The following GRB14 variants were observed in gnomAD, a reference collection of about 807,000 sequenced individuals.
GRB14 encodes growth factor receptor-bound protein 14.
A neutral mutation model predicts 69.1 loss-of-function variants in GRB14; 38 were observed. The observed-to-expected ratio is 0.55, with a 90% CI of 0.42 to 0.72. The LOEUF (loss-of-function observed/expected upper bound fraction) is 0.72, where lower values mean the gene tolerates loss of function less well. Ranked by LOEUF, GRB14 falls within the 30% of genes least tolerant of loss-of-function variation. The probability of loss-of-function intolerance (pLI) is 0.00; values close to 1 mark genes in which losing one functional copy is unlikely to be tolerated. For missense variants in GRB14, 666 were observed against 666.1 expected (o/e 1.00, Z 0.00); for synonymous variants, 247 against 241.3 (o/e 1.02, Z -0.22).
chr2:164,505,909 T>C (rs1687176891), intron 8 of GRB14, among the ~76,000 whole-genome samples: 1 of 152,186 alleles, frequency 6.6e-6, no homozygotes, highest in East Asian at 1.9e-4. Context: ...CAATGGCTTC[T>C]TAGATTAAGT....
intron 6 of GRB14, among the ~76,000 whole-genome samples, chr2:164,510,698 A>C (rs771853512): frequency 2.0e-4 from 31 of 152,186 alleles, no homozygotes; most frequent in African/African-American, 5.5e-4. Flanking sequence ...AAATCAGATG[A>C]GCACTCACAG....
At chr2:164,554,935 C>T (rs761848176) in intron 2 of GRB14, among the ~76,000 whole-genome samples, 7 of 150,108 alleles carry the variant, frequency 4.7e-5, no homozygotes, top group African/African-American at 1.7e-4. Context: ...GAAAAAAAAA[C>T]TTGAGGCCTT....
chr2:164,593,815 G>GGGAC (rs1689722803), intron 2 of GRB14, among the ~76,000 whole-genome samples: 1 of 152,156 alleles, frequency 6.6e-6, no homozygotes, highest in East Asian at 1.9e-4. Flanking sequence ...TCCCTGCACA[G>GGGAC]TTGGCCACTT....
intron 3 of GRB14, among the ~76,000 whole-genome samples, chr2:164,527,591 G>A (rs923759917): frequency 6.6e-6 from 1 of 151,878 alleles, no homozygotes. Flanking sequence ...ACAGGTTCAT[G>A]TGCATTTAAG....
chr2:164,582,309 T>C (rs1689427011), intron 2 of GRB14, among the ~76,000 whole-genome samples: 1 of 152,202 alleles, frequency 6.6e-6, no homozygotes, highest in African/African-American at 2.4e-5. Context: ...CATTTCCCTC[T>C]ATTCACATCC....
intron 3 of GRB14, among the ~76,000 whole-genome samples, chr2:164,542,007 A>G (rs745326073): frequency 4.6e-5 from 7 of 152,344 alleles, no homozygotes; most frequent in Middle Eastern, 6.8e-3. Flanking sequence ...TGGAGGGGTC[A>G]CATTACCCCA....
chr2:164,588,142 C>A (rs150488956), intron 2 of GRB14, among the ~76,000 whole-genome samples: 136 of 152,236 alleles, frequency 8.9e-4, no homozygotes, highest in Middle Eastern at 3.4e-3. Flanking sequence ...CTATAGGAAA[C>A]AGGATTTAAA....
chr2:164,572,331 T>C (rs538533924), intron 2 of GRB14, among the ~76,000 whole-genome samples: 53 of 152,320 alleles, frequency 3.5e-4, no homozygotes, highest in South Asian at 1.9e-3. Flanking sequence ...GCATGTTCTG[T>C]ATTCCCACCT....
intron 8 of GRB14, among the ~76,000 whole-genome samples, chr2:164,503,169 T>TAAAAAAAA: frequency 7.9e-6 from 1 of 126,602 alleles, no homozygotes; most frequent in Non-Finnish European, 1.7e-5. Flanking sequence ...GCTACTTTGT[T>TAAAAAAAA]AAAAAAAAAA....
chr2:164,499,144 G>A (rs142532681), intron 9 of GRB14, among the ~76,000 whole-genome samples: 14 of 152,070 alleles, frequency 9.2e-5, no homozygotes, highest in East Asian at 1.9e-4. Flanking sequence ...ATATCTCTCC[G>A]TTTACATGCC....
chr2:164,527,761 A>G (rs954917043), intron 3 of GRB14, among the ~76,000 whole-genome samples: 2 of 152,058 alleles, frequency 1.3e-5, no homozygotes, highest in Non-Finnish European at 2.9e-5. Context: ...TTGTATTAAC[A>G]ATGAAGATAA....
Position 164,547,808 on chromosome 2 carries a change from T to A in GRB14, c.333A>T (p.Lys111Asn). 1 of 1,609,034 alleles carries A rather than the reference T, an allele frequency of 6.2e-7. No individual in the cohort carries two copies. The highest frequency in any genetic ancestry group is 8.5e-7 in the Non-Finnish European group (1 of 1,177,044). Residue 111 changes from lysine (K) to asparagine (N), a missense_variant, in exon 3 of 14, where the codon AAA becomes AAT. By Grantham distance (94) the Lys-to-Asn change is moderately conservative. Transcript: ENST00000263915. ...TGCTGGTTTCATCTTCACTGTATAC[T>A]TTAATCACCTGTGTAGGTAGAAACA... The part of the protein sequence containing the change: ...KANSRKKQVI[K>N]VYSEDETSRA...
intron 2 of GRB14, among the ~76,000 whole-genome samples, chr2:164,576,338 TA>T (rs979320738): frequency 2.6e-5 from 4 of 151,294 alleles, no homozygotes; most frequent in Non-Finnish European, 5.9e-5. Flanking sequence ...CATAATAAAA[TA>T]GATTTAATTG....
At chr2:164,545,973 T>C (rs901237450) in intron 3 of GRB14, among the ~76,000 whole-genome samples, 8 of 152,186 alleles carry the variant, frequency 5.3e-5, no homozygotes, top group Non-Finnish European at 8.8e-5. Flanking sequence ...GACTTACTTA[T>C]TTCTTCAAGA....
chr2:164,582,549 T>G (rs771886880), intron 2 of GRB14, among the ~76,000 whole-genome samples: 2 of 151,884 alleles, frequency 1.3e-5, no homozygotes, highest in African/African-American at 2.4e-5. Context: ...GCCTCCCGAG[T>G]AGCTGGGATT....
intron 2 of GRB14, among the ~76,000 whole-genome samples, chr2:164,615,825 G>T (rs777899501): frequency 1.3e-5 from 2 of 152,022 alleles, no homozygotes; most frequent in African/African-American, 2.4e-5. Context: ...AAATTACCTA[G>T]GGGTCAACAA....
At chr2:164,616,160 C>T (rs919380103) in intron 2 of GRB14, among the ~76,000 whole-genome samples, 2 of 152,076 alleles carry the variant, frequency 1.3e-5, no homozygotes, top group African/African-American at 4.8e-5. Flanking sequence ...CACAGGGGCT[C>T]ATGCCTGTAA....
rs1353361130 is a variant in GRB14 at position 164,521,997 on chromosome 2, T to A, written c.799A>T (p.Thr267Ser). 1 of 1,601,960 alleles carries A rather than the reference T, an allele frequency of 6.2e-7. No homozygotes were observed. The change falls in exon 6 of 14, where the codon ACT (threonine) becomes TCT (serine). Residue 267 changes from threonine to serine, a missense_variant. By Grantham distance (58) the Thr-to-Ser change is moderately conservative (BLOSUM62 1). Transcript: ENST00000263915. ...FLRRSGLYFS[T>S]KGTSKEPRHL... Reference sequence around the variant, plus strand: ...CAATTTACCTTTGATGTTCCTTTAGTAGAAAAATATAAACCAGATCTTCTT... The same window carrying A: ...CAATTTACCTTTGATGTTCCTTTAGAAGAAAAATATAAACCAGATCTTCTT...
intron 6 of GRB14, among the ~76,000 whole-genome samples, chr2:164,519,937 C>T (rs900178381): frequency 6.6e-6 from 1 of 151,930 alleles, no homozygotes; most frequent in African/African-American, 2.4e-5. Flanking sequence ...GACCATACTG[C>T]CAAAAGCAAT....
Sources: gnomAD v4.1 joint callset for allele counts (sites outside exome capture counted in the v4.1 genomes callset) on GRCh38, gnomAD v4.1.1 for gene constraint, MANE v1.5 for transcripts, NCBI Gene and HGNC (gene_info 2026-07-23, HGNC 2026-07-21) for gene names.